Variants in GRIA4 observed in about 807,000 individuals in gnomAD.
GRIA4 encodes glutamate receptor 4.
Under a neutral mutation model 104.0 loss-of-function variants are expected in GRIA4, and 34 were observed. The observed-to-expected ratio is 0.33, with a 90% CI of 0.25 to 0.44. The LOEUF is 0.44. Among genes scored for constraint, GRIA4 ranks in the 20% least tolerant of loss-of-function variants. GRIA4 has a pLI of 1.00. For missense variants in GRIA4, 750 were observed against 1,096.5 expected (o/e 0.68, Z 4.46); for synonymous variants, 386 against 381.9 (o/e 1.01, Z -0.13).
rs368872714 is a variant in GRIA4 at position 105,744,526 on chromosome 11, C to T, written c.248-8455C>T. Among the ~76,000 whole-genome samples the T allele has an allele frequency of 1.4e-4, 22 of 152,196 alleles. No homozygotes were observed. In the East Asian group the frequency reaches 3.9e-3, roughly 27 times the overall value. On this transcript the variant is annotated intron_variant, in intron 3 of 16. Transcript: ENST00000282499. The stretch of plus-strand genomic sequence containing the variant: ...TTGAAGTATCATAGTAGTACTAATA[C>T]GGAGTGGTAAGGCTTGCAGTTTGCT...
chr11:105,765,497 C>A (rs1940890927), intron 4 of GRIA4, among the ~76,000 whole-genome samples: 1 of 152,152 alleles, frequency 6.6e-6, no homozygotes, highest in African/African-American at 2.4e-5. Context: ...TAAGTTGAAG[C>A]AAATGTGGAA....
At chr11:105,647,702 C>A (rs1951568967) in intron 3 of GRIA4, among the ~76,000 whole-genome samples, 1 of 152,122 alleles carries the variant, frequency 6.6e-6, no homozygotes, top group African/African-American at 2.4e-5. Flanking sequence ...AACAGAAAAC[C>A]AAATACTGCA....
At chr11:105,690,519 A>T (rs879319089) in intron 3 of GRIA4, among the ~76,000 whole-genome samples, 1 of 152,160 alleles carries the variant, frequency 6.6e-6, no homozygotes, top group Non-Finnish European at 1.5e-5. Context: ...TCTTAAAAAG[A>T]GGGGGAGAGA....
chr11:105,743,567 T>A (rs975681366), intron 3 of GRIA4, among the ~76,000 whole-genome samples: 2 of 152,194 alleles, frequency 1.3e-5, no homozygotes, highest in Non-Finnish European at 2.9e-5. Context: ...ACTTTCACAG[T>A]CATTTCCTTC....
intron 15 of GRIA4, 23 bp downstream of exon 15, chr11:105,972,051 C>A (rs772488022): frequency 2.1e-6 from 3 of 1,421,904 alleles, no homozygotes; most frequent in East Asian, 2.3e-5. Flanking sequence ...AGTTCGGGGC[C>A]TCCTCTTGTG....
intron 15 of GRIA4, among the ~76,000 whole-genome samples, chr11:105,972,478 A>G (rs1858748024): frequency 6.6e-6 from 1 of 152,090 alleles, no homozygotes; most frequent in East Asian, 1.9e-4. Context: ...GTCTTTTGTC[A>G]CCATAGTGCC....
intron 4 of GRIA4, among the ~76,000 whole-genome samples, chr11:105,783,663 T>C (rs79910033): frequency 0.03 from 4,558 of 152,144 alleles, 136 homozygotes; most frequent in African/African-American, 0.077. Flanking sequence ...ACAGACAGTA[T>C]TAAAACATTT....
Position 105,794,621 on chromosome 11 carries a change from G to C in GRIA4, c.487+41401G>C, listed in dbSNP as rs370780940. 8.8e-5 allele frequency among the ~76,000 whole-genome samples: 13 copies of C among 147,500 alleles called. No individual in the cohort carries two copies. In the East Asian group the frequency reaches 1.2e-3, roughly 14 times the overall value. The stretch of plus-strand genomic sequence containing the variant: ...ATATATACATATATATATATAGAGA[G>C]AGAGAGTTATGGTTGTGGTTATGGT... On this transcript the variant is annotated intron_variant, in intron 4 of 16. Coordinates refer to ENST00000282499, the MANE Select transcript of GRIA4 (RefSeq NM_000829.4).
At chr11:105,971,086 CCTGT>C (rs1348114775) in intron 14 of GRIA4, among the ~76,000 whole-genome samples, 3 of 152,068 alleles carry the variant, frequency 2.0e-5, no homozygotes, top group Non-Finnish European at 2.9e-5. Context: ...TTACCTCTAA[CCTGT>C]CTGTCTTTTT....
chr11:105,923,682 AAATGGAGGCTAGTGCCTTATGATTATAAT>A (rs1471333634), intron 11 of GRIA4, among the ~76,000 whole-genome samples: 2 of 152,186 alleles, frequency 1.3e-5, no homozygotes, highest in Non-Finnish European at 2.9e-5. Flanking sequence ...AGAACTCTGA[AAATGGAGGCTAGTGCCTTATGATTATAAT>A]ACCTGAGAAA....
At chr11:105,911,718 G>A (rs373722089) in intron 10 of GRIA4, among the ~76,000 whole-genome samples, 22 of 139,960 alleles carry the variant, frequency 1.6e-4, no homozygotes, top group Admixed American at 1.1e-3. Flanking sequence ...ACCAACAGCA[G>A]TTTTTGCGTA....
Position 105,657,895 on chromosome 11 carries a change from AT to A in GRIA4, c.247+45468del, listed in dbSNP as rs1365999454. 7.2e-5 allele frequency among the ~76,000 whole-genome samples: 11 copies of A among 151,940 alleles called. No individual in the cohort carries two copies. The East Asian group carries it at 1.9e-3, about 27-fold the overall frequency. On this transcript the variant is annotated intron_variant, in intron 3 of 16. Transcript: ENST00000282499. The stretch of plus-strand genomic sequence containing the variant: ...TTTAAAGGAGGTATATGGAAACTCT[AT>A]TTTTTTCTCAATTTTGCTGTGAACT...
chr11:105,754,267 C>T (rs906393385), intron 4 of GRIA4, among the ~76,000 whole-genome samples: 1 of 152,128 alleles, frequency 6.6e-6, no homozygotes, highest in Admixed American at 6.6e-5. Flanking sequence ...AGATCAAATA[C>T]ATATATCATA....
intron 3 of GRIA4, among the ~76,000 whole-genome samples, chr11:105,743,606 T>C (rs1939460960): frequency 6.6e-6 from 1 of 152,216 alleles, no homozygotes; most frequent in African/African-American, 2.4e-5. Context: ...CCATTTCTTC[T>C]TGCTCCACTT....
intron 4 of GRIA4, among the ~76,000 whole-genome samples, chr11:105,755,703 T>C (rs1017593044): frequency 2.0e-5 from 3 of 152,188 alleles, no homozygotes; most frequent in African/African-American, 7.2e-5. Flanking sequence ...GTAGACTGAG[T>C]AGAGCAGGTA....
At chr11:105,706,931 G>A (rs906232348) in intron 3 of GRIA4, 1 of 152,168 alleles carries the variant, frequency 6.6e-6, no homozygotes, top group Non-Finnish European at 1.5e-5. Flanking sequence ...CTTTATATAC[G>A]TCAAAAGGTC....
At chr11:105,782,004 C>T (rs934369124) in intron 4 of GRIA4, among the ~76,000 whole-genome samples, 1 of 152,140 alleles carries the variant, frequency 6.6e-6, no homozygotes, top group Non-Finnish European at 1.5e-5. Flanking sequence ...TAGGAAAAAT[C>T]TTGTTTTCCA....
intron 4 of GRIA4, among the ~76,000 whole-genome samples, chr11:105,825,137 A>G (rs1943720202): frequency 1.3e-5 from 2 of 152,070 alleles, no homozygotes; most frequent in African/African-American, 4.8e-5. Flanking sequence ...AATGGAAATC[A>G]CCCAAGAATC....
chr11:105,924,242 A>G (rs1182690529), intron 11 of GRIA4, among the ~76,000 whole-genome samples, 157 bp from the exon 12 acceptor site: 1 of 152,180 alleles, frequency 6.6e-6, no homozygotes, highest in Non-Finnish European at 1.5e-5. Context: ...ATTATTATTC[A>G]TGTTTGTGTC....
Sources: gnomAD v4.1 joint callset for allele counts (sites outside exome capture counted in the v4.1 genomes callset) on GRCh38, gnomAD v4.1.1 for gene constraint, MANE v1.5 for transcripts, NCBI Gene and HGNC (gene_info 2026-07-23, HGNC 2026-07-21) for gene names.